Variants in LPP observed in about 807,000 individuals in gnomAD.
LPP encodes lipoma-preferred partner.
Under a neutral mutation model 60.4 loss-of-function variants are expected in LPP, and 38 were observed. The observed-to-expected ratio is 0.63, with a 90% CI of 0.49 to 0.83. The LOEUF (loss-of-function observed/expected upper bound fraction) is 0.83. Ranked by LOEUF, LPP falls within the 40% of genes least tolerant of loss-of-function variation. The probability of loss-of-function intolerance (pLI) is 0.00; values close to 1 mark genes in which losing one functional copy is unlikely to be tolerated. For missense variants in LPP, 902 were observed against 783.6 expected, an observed-to-expected ratio of 1.15 and a Z score of -1.80; for synonymous variants, 328 against 290.8, an observed-to-expected ratio of 1.13 and a Z score of -1.30.
chr3:188,563,719 TTTTTTTTTG>T (rs1560569672), intron 6 of LPP, among the ~76,000 whole-genome samples: 123 of 52,800 alleles, frequency 2.3e-3, no homozygotes, highest in Middle Eastern at 8.6e-3. Flanking sequence ...ATTGCTTGTG[TTTTTTTTTG>T]TTTTTTTTTT....
intron 4 of LPP, among the ~76,000 whole-genome samples, chr3:188,476,572 ATGAGAATGCTGG>A (rs1262329693): frequency 6.6e-6 from 1 of 152,214 alleles, no homozygotes; most frequent in East Asian, 1.9e-4. Context: ...GCAGTAGCAT[ATGAGAATGCTGG>A]TTTCCCTATA....
chr3:188,602,480 GA>G (rs1841560943), intron 6 of LPP, among the ~76,000 whole-genome samples: 1 of 151,612 alleles, frequency 6.6e-6, no homozygotes, highest in South Asian at 2.1e-4. Flanking sequence ...TACAAACTCA[GA>G]AACCAATTAT....
intron 6 of LPP, among the ~76,000 whole-genome samples, chr3:188,526,396 G>A (rs1820592219): frequency 6.6e-6 from 1 of 152,048 alleles, no homozygotes; most frequent in Non-Finnish European, 1.5e-5. Flanking sequence ...CTGAGTTCAA[G>A]CAATTCTGCC....
chr3:188,818,306 T>G (rs778037687), intron 9 of LPP, among the ~76,000 whole-genome samples: 1 of 152,210 alleles, frequency 6.6e-6, no homozygotes, highest in Non-Finnish European at 1.5e-5. Flanking sequence ...CTGTCAGAAC[T>G]ATTTAATAGT....
chr3:188,535,544 T>G (rs1290337897), intron 6 of LPP, among the ~76,000 whole-genome samples: 1 of 152,234 alleles, frequency 6.6e-6, no homozygotes, highest in Non-Finnish European at 1.5e-5. Context: ...CATGACAAAG[T>G]TATAGCTGCT....
intron 6 of LPP, among the ~76,000 whole-genome samples, chr3:188,537,576 C>T (rs1823970286): frequency 6.6e-6 from 1 of 152,152 alleles, no homozygotes; most frequent in South Asian, 2.1e-4. Flanking sequence ...TACAAAGTCT[C>T]TGTCGATTTG....
chr3:188,443,468 T>G lies in LPP; in HGVS notation c.193+37155T>G, dbSNP rs182359513. 4.2e-4 allele frequency among the ~76,000 whole-genome samples: 64 copies of G among 152,322 alleles called. 1 individual carries two copies. Among genetic ancestry groups the G allele is most frequent in the Admixed American group, 3.8e-3 (58 of 15,306 alleles). ...CCATTTATCCAATAGAGATGGAAAG[T>G]ATTGGCCTGCATTTATTTCTCCTTC... On this transcript the variant is annotated intron_variant, in intron 4 of 11. Coordinates refer to ENST00000617246, the MANE Select transcript of LPP (RefSeq NM_001375462.1).
intron 1 of LPP, among the ~76,000 whole-genome samples, chr3:188,225,192 A>G (rs935154069): frequency 6.6e-6 from 1 of 152,152 alleles, no homozygotes; most frequent in African/African-American, 2.4e-5. Context: ...CAGGAGAACT[A>G]GGAGAGCTGA....
chr3:188,647,532 A>C (rs955284299), intron 7 of LPP, among the ~76,000 whole-genome samples: 23 of 152,184 alleles, frequency 1.5e-4, no homozygotes, highest in Non-Finnish European at 3.2e-4. Context: ...TCCAAGGTTA[A>C]GAAAGCTTTC....
chr3:188,191,031 A>G, intron 1 of LPP, among the ~76,000 whole-genome samples: 1 of 152,212 alleles, frequency 6.6e-6, no homozygotes, highest in East Asian at 1.9e-4. Context: ...GAGATTCGAG[A>G]CCAGCCTGGC....
intron 6 of LPP, among the ~76,000 whole-genome samples, chr3:188,530,260 C>G (rs1243410258): frequency 6.6e-6 from 1 of 152,158 alleles, no homozygotes; most frequent in Non-Finnish European, 1.5e-5. Context: ...TTACTGGCTG[C>G]AGTGATTTTG....
chr3:188,732,345 A>G (rs982804648), intron 8 of LPP, among the ~76,000 whole-genome samples: 1 of 152,220 alleles, frequency 6.6e-6, no homozygotes, highest in Non-Finnish European at 1.5e-5. Context: ...GTGTTTTGAT[A>G]GTCTTAAGGG....
At chr3:188,306,278 G>A (rs576921824) in intron 2 of LPP, among the ~76,000 whole-genome samples, 1 of 150,688 alleles carries the variant, frequency 6.6e-6, no homozygotes, top group South Asian at 2.1e-4. Flanking sequence ...TAGTAGAGAC[G>A]GGGTTTCACC....
intron 6 of LPP, among the ~76,000 whole-genome samples, chr3:188,563,518 T>C (rs1445650028): frequency 6.7e-6 from 1 of 148,922 alleles, no homozygotes; most frequent in African/African-American, 2.5e-5. Flanking sequence ...GTTCTTTTCC[T>C]CTGGATCTTT....
intron 9 of LPP, among the ~76,000 whole-genome samples, chr3:188,828,782 AT>A (rs1756358201): frequency 6.6e-6 from 1 of 152,030 alleles, no homozygotes. Flanking sequence ...GAGATGACAC[AT>A]GTAACACAAT....
At chr3:188,526,356 G>T (rs1225307162) in intron 6 of LPP, among the ~76,000 whole-genome samples, 2 of 151,858 alleles carry the variant, frequency 1.3e-5, no homozygotes, top group African/African-American at 2.4e-5. Flanking sequence ...ATGCAGTGGC[G>T]CAATCTCAGC....
chr3:188,251,776 T>G (rs564935247), intron 2 of LPP, among the ~76,000 whole-genome samples: 58 of 151,982 alleles, frequency 3.8e-4, no homozygotes, highest in African/African-American at 1.3e-3. Flanking sequence ...TTCCCCTATA[T>G]CCCAATGGTC....
intron 2 of LPP, among the ~76,000 whole-genome samples, chr3:188,327,538 A>G (rs1181991801): frequency 6.6e-6 from 1 of 152,212 alleles, no homozygotes; most frequent in Non-Finnish European, 1.5e-5. Flanking sequence ...TAAGTGGAGC[A>G]GTAGTGGAGT....
intron 4 of LPP, among the ~76,000 whole-genome samples, chr3:188,479,350 G>T (rs969577775): frequency 6.6e-6 from 1 of 152,176 alleles, no homozygotes; most frequent in Non-Finnish European, 1.5e-5. Flanking sequence ...CAGCCCATGG[G>T]TCTATGTCAG....
Sources: allele counts gnomAD v4.1 joint callset (sites outside exome capture counted in the v4.1 genomes callset), GRCh38; gene constraint gnomAD v4.1.1; transcripts MANE v1.5; gene names NCBI Gene and HGNC (gene_info 2026-07-23, HGNC 2026-07-21).